Variants in FSTL4 observed in about 807,000 individuals in gnomAD.
FSTL4 encodes the protein follistatin like 4, also known as follistatin-related protein 4.
Under a neutral mutation model 78.2 loss-of-function variants are expected in FSTL4, and 28 were observed. That is an observed-to-expected ratio of 0.36 (90% CI 0.27 to 0.49). The LOEUF is 0.49. Among genes scored for constraint, FSTL4 ranks in the 20% least tolerant of loss-of-function variants. FSTL4 has a pLI of 0.98. For synonymous variants in FSTL4, 422 were observed against 440.5 expected (o/e 0.96, Z 0.53); for missense variants, 922 against 1,084.9 (o/e 0.85, Z 2.11).
intron 7 of FSTL4, among the ~76,000 whole-genome samples, 175 bp downstream of exon 7, chr5:133,249,235 G>A (rs1182519146): frequency 6.6e-6 from 1 of 152,216 alleles, no homozygotes; most frequent in Non-Finnish European, 1.5e-5. Flanking sequence ...TCTATTTTCT[G>A]CTGTGGTGGG....
In FSTL4 at chr5:133,475,719, C is replaced by T. The variant is rs188911605; in HGVS notation, c.161-74733G>A. Reference sequence around the variant, plus strand: ...TAAGTAATAGGCAAGTCGGAATTATCGGGTGGTGCTTCCATCATGAGCTCC... The same window carrying T: ...TAAGTAATAGGCAAGTCGGAATTATTGGGTGGTGCTTCCATCATGAGCTCC... On this transcript the variant is annotated intron_variant, in intron 3 of 15. Coordinates refer to ENST00000265342, the MANE Select transcript of FSTL4 (RefSeq NM_015082.2). 1.6e-4 allele frequency among the ~76,000 whole-genome samples: 25 copies of T among 152,300 alleles called. No homozygotes were observed. The East Asian group carries it at 4.4e-3, about 27-fold the overall frequency.
intron 2 of FSTL4, among the ~76,000 whole-genome samples, chr5:133,595,467 C>T (rs1303155697): frequency 6.6e-6 from 1 of 152,238 alleles, no homozygotes; most frequent in African/African-American, 2.4e-5. Context: ...TGCTGTGTGC[C>T]AGGCTTTCTG....
intron 3 of FSTL4, among the ~76,000 whole-genome samples, chr5:133,528,885 T>C (rs1580768543): frequency 6.6e-6 from 1 of 152,336 alleles, no homozygotes; most frequent in East Asian, 1.9e-4. Flanking sequence ...CTGTTCGCTA[T>C]CTCCAGCCTC....
chr5:133,299,858 T>A (rs1418880235), intron 6 of FSTL4, among the ~76,000 whole-genome samples: 1 of 152,178 alleles, frequency 6.6e-6, no homozygotes, highest in East Asian at 1.9e-4. Context: ...CTGCATGGAA[T>A]ACAATTAGTC....
the FSTL4 span, among the ~76,000 whole-genome samples, chr5:133,693,306 G>A: frequency 1.3e-5 from 2 of 152,182 alleles, no homozygotes; most frequent in African/African-American, 4.8e-5. Flanking sequence ...CTCATAATTA[G>A]AAGATTAGGG....
At chr5:133,457,527 A>G (rs1301868111) in intron 3 of FSTL4, among the ~76,000 whole-genome samples, 1 of 152,198 alleles carries the variant, frequency 6.6e-6, no homozygotes. Flanking sequence ...CCTTTATCCA[A>G]TGCCTTTCCT....
intron 3 of FSTL4, among the ~76,000 whole-genome samples, chr5:133,500,172 C>T (rs1758461956): frequency 6.6e-6 from 1 of 152,214 alleles, no homozygotes; most frequent in Non-Finnish European, 1.5e-5. Flanking sequence ...CACCATCCTC[C>T]TCTTCCCTGA....
At chr5:133,723,516 G>A in the FSTL4 span, among the ~76,000 whole-genome samples, 1 of 152,172 alleles carries the variant, frequency 6.6e-6, no homozygotes, top group Non-Finnish European at 1.5e-5. Flanking sequence ...TCCAAAAGTG[G>A]CAGGCTATCA....
At chr5:133,737,210 T>C in the FSTL4 span, among the ~76,000 whole-genome samples, 1 of 152,102 alleles carries the variant, frequency 6.6e-6, no homozygotes, top group Non-Finnish European at 1.5e-5. Context: ...AAAAAATGGG[T>C]ATATTTTTTG....
the FSTL4 span, among the ~76,000 whole-genome samples, chr5:133,638,096 G>A: frequency 6.6e-6 from 1 of 152,020 alleles, no homozygotes; most frequent in Non-Finnish European, 1.5e-5. Context: ...CAGTCTGAAA[G>A]CCTTGGAGTT....
At chr5:133,828,729 A>G in the FSTL4 span, among the ~76,000 whole-genome samples, 2 of 152,232 alleles carry the variant, frequency 1.3e-5, no homozygotes, top group Non-Finnish European at 2.9e-5. Context: ...CCCATTTAAG[A>G]ATAACCAAAA....
the FSTL4 span, among the ~76,000 whole-genome samples, chr5:133,751,875 G>T: frequency 3.9e-5 from 6 of 152,200 alleles, no homozygotes; most frequent in African/African-American, 1.4e-4. Flanking sequence ...GGTGGGTTTT[G>T]GATCTTTATC....
At chr5:133,828,576 T>A in the FSTL4 span, among the ~76,000 whole-genome samples, 1 of 152,146 alleles carries the variant, frequency 6.6e-6, no homozygotes, top group East Asian at 1.9e-4. Context: ...TGTGCCTAAT[T>A]AAATTCTAGA....
chr5:133,583,300 G>C (rs906105230), intron 2 of FSTL4: 1 of 270,484 alleles, frequency 3.7e-6, no homozygotes, highest in Non-Finnish European at 7.6e-6. Flanking sequence ...GAGGAGCCAA[G>C]ATGGCCGAAT....
the FSTL4 span, among the ~76,000 whole-genome samples, chr5:133,747,782 C>T: frequency 1.3e-5 from 2 of 152,176 alleles, no homozygotes; most frequent in Non-Finnish European, 2.9e-5. Flanking sequence ...TCTGACCTCA[C>T]CTACGTCCTG....
At chr5:133,544,909 G>A (rs1004701358) in intron 3 of FSTL4, among the ~76,000 whole-genome samples, 1 of 152,326 alleles carries the variant, frequency 6.6e-6, no homozygotes, top group Non-Finnish European at 1.5e-5. Flanking sequence ...CCCAGTCAAA[G>A]TATAGAGAGC....
the FSTL4 span, among the ~76,000 whole-genome samples, chr5:133,744,447 G>A: frequency 0.013 from 1,986 of 152,244 alleles, 38 homozygotes; most frequent in African/African-American, 0.044. Flanking sequence ...CCGCTGTGCC[G>A]CATGGTGCTG....
intron 2 of FSTL4, among the ~76,000 whole-genome samples, chr5:133,600,542 A>G (rs1202347425): frequency 6.6e-6 from 1 of 152,206 alleles, no homozygotes; most frequent in Non-Finnish European, 1.5e-5. Context: ...ACTCTTATGA[A>G]AGAGGCACTC....
chr5:133,607,824 C>T (rs950644844), intron 1 of FSTL4, among the ~76,000 whole-genome samples: 1 of 152,088 alleles, frequency 6.6e-6, no homozygotes, highest in Non-Finnish European at 1.5e-5. Flanking sequence ...CCACATTCTA[C>T]CCCGGGATGG....
Sources: gnomAD v4.1 joint callset for allele counts (sites outside exome capture counted in the v4.1 genomes callset) on GRCh38, gnomAD v4.1.1 for gene constraint, MANE v1.5 for transcripts, NCBI Gene and HGNC (gene_info 2026-07-23, HGNC 2026-07-21) for gene names.